Variants in BRI3BP observed in about 807,000 individuals in gnomAD.
The protein encoded by BRI3BP is BRI3-binding protein.
A neutral mutation model predicts 15.8 loss-of-function variants in BRI3BP; 7 were observed. That is an observed-to-expected ratio of 0.44 (90% CI 0.25 to 0.83). The LOEUF (loss-of-function observed/expected upper bound fraction) is 0.83. Among genes scored for constraint, BRI3BP ranks in the 40% least tolerant of loss-of-function variants. BRI3BP has a pLI of 0.20. For missense variants in BRI3BP, 320 were observed against 339.3 expected (o/e 0.94, Z 0.45); for synonymous variants, 192 against 163.5 (o/e 1.17, Z -1.33).
chr12:124,995,254 G>A (rs1422916414), intron 1 of BRI3BP, among the ~76,000 whole-genome samples: 2 of 152,198 alleles, frequency 1.3e-5, no homozygotes, highest in Non-Finnish European at 2.9e-5. Flanking sequence ...GGCCAAAGAG[G>A]GGCAAGGAAG....
At chr12:125,039,577 C>T in the BRI3BP span, among the ~76,000 whole-genome samples, 1 of 152,082 alleles carries the variant, frequency 6.6e-6, no homozygotes, top group African/African-American at 2.4e-5. Context: ...AAATTGCTCC[C>T]CTGTTTTTAG....
the BRI3BP span, among the ~76,000 whole-genome samples, chr12:125,043,761 C>G: frequency 1.3e-5 from 2 of 152,102 alleles, no homozygotes; most frequent in African/African-American, 4.8e-5. Flanking sequence ...GAGGCTGAGG[C>G]AGGAGAATTG....
chr12:125,048,017 A>T, the BRI3BP span, among the ~76,000 whole-genome samples: 1 of 13,298 alleles, frequency 7.5e-5, no homozygotes, highest in Non-Finnish European at 2.6e-4. Flanking sequence ...CTTATAGTTA[A>T]AAAAAAAAAA....
chr12:125,009,079 G>T (rs1007131363), intron 1 of BRI3BP, among the ~76,000 whole-genome samples: 7 of 147,894 alleles, frequency 4.7e-5, no homozygotes, highest in African/African-American at 1.5e-4. Flanking sequence ...AGGTTCAAGC[G>T]ATTCTCCTGC....
In BRI3BP at chr12:124,993,780, G is replaced by C; in HGVS notation, c.-11G>C. ...ACCCCGCATCGCGACCCCGCGCCCC[G>C]CCGGCCGAGCATGGGCGCGCGCGCC... is the stretch of plus-strand genomic sequence containing the variant. On this transcript the variant is annotated 5_prime_UTR_variant, in exon 1 of 3. Transcript: ENST00000341446. 11 of 1,016,512 alleles carry C rather than the reference G, an allele frequency of 1.1e-5. No homozygotes were observed. Among genetic ancestry groups the C allele is most frequent in the Non-Finnish European group, 1.3e-5 (11 of 853,420 alleles). 63.0% of individuals were successfully genotyped at this position (1,016,512 alleles called of 1,614,324 possible).
intron 1 of BRI3BP, among the ~76,000 whole-genome samples, chr12:124,996,777 G>C (rs1292596282): frequency 8.8e-6 from 1 of 113,632 alleles, no homozygotes; most frequent in East Asian, 3.0e-4. Context: ...TTTTTTTTCC[G>C]AGATGGAGTA....
intron 2 of BRI3BP, among the ~76,000 whole-genome samples, chr12:125,020,611 C>T (rs1206759380): frequency 6.6e-6 from 1 of 152,184 alleles, no homozygotes; most frequent in Non-Finnish European, 1.5e-5. Context: ...AATGGCTGGA[C>T]ACAGTGGCTC....
the BRI3BP span, among the ~76,000 whole-genome samples, chr12:125,042,657 C>T: frequency 6.6e-6 from 1 of 152,020 alleles, no homozygotes; most frequent in Non-Finnish European, 1.5e-5. Context: ...GCCTCAGCCT[C>T]CCGAGTAGCT....
At position 125,025,881 on chromosome 12, in the gene BRI3BP, A is replaced by G. The variant is rs67037258; in HGVS notation, c.*451A>G. 16,835 of 155,152 alleles carry G rather than the reference A, an allele frequency of 0.11. 1,926 individuals carry two copies. The highest frequency in any genetic ancestry group is 0.29 in the African/African-American group (12,033 of 41,510). The allele number at this position is 155,152 out of a possible 1,614,324, so 9.6% of individuals were successfully genotyped here. ...AGTTTAAATGCGAGCGTTTGTTTTC[A>G]CAGCTTAGGGATTGGTGGGTGAGGT... On this transcript the variant is annotated 3_prime_UTR_variant, in exon 3 of 3. Coordinates refer to ENST00000341446, the MANE Select transcript of BRI3BP (RefSeq NM_080626.6).
At chr12:125,021,117 C>T (rs924955120) in intron 2 of BRI3BP, among the ~76,000 whole-genome samples, 2 of 152,142 alleles carry the variant, frequency 1.3e-5, no homozygotes, top group African/African-American at 4.8e-5. Flanking sequence ...CCCAAGTCAA[C>T]CACATTTAGT....
chr12:124,996,535 G>A (rs552178374), intron 1 of BRI3BP, among the ~76,000 whole-genome samples: 1 of 152,170 alleles, frequency 6.6e-6, no homozygotes, highest in Admixed American at 6.5e-5. Flanking sequence ...ATGTTGGCCA[G>A]GCTGGTCTCA....
chr12:124,997,768 C>T (rs560777707), intron 1 of BRI3BP, among the ~76,000 whole-genome samples: 1 of 152,116 alleles, frequency 6.6e-6, no homozygotes, highest in East Asian at 1.9e-4. Flanking sequence ...GTGGGCAGCT[C>T]ATCTGAAGTC....
the BRI3BP span, among the ~76,000 whole-genome samples, chr12:125,047,053 T>C: frequency 6.6e-6 from 1 of 152,210 alleles, no homozygotes; most frequent in Non-Finnish European, 1.5e-5. Flanking sequence ...GTGTATATGT[T>C]CTAACATTGT....
intron 2 of BRI3BP, among the ~76,000 whole-genome samples, chr12:125,015,758 A>G (rs1955237038): frequency 6.6e-6 from 1 of 152,222 alleles, no homozygotes; most frequent in African/African-American, 2.4e-5. Context: ...AGGCCAACTC[A>G]GTCACCTCAC....
intron 1 of BRI3BP, among the ~76,000 whole-genome samples, chr12:125,003,363 G>T (rs1246464729): frequency 6.6e-6 from 1 of 152,146 alleles, no homozygotes; most frequent in East Asian, 1.9e-4. Flanking sequence ...TGGAGGCGAT[G>T]GCTGGGCCTT....
At chr12:125,017,800 C>T (rs1297429355) in intron 2 of BRI3BP, among the ~76,000 whole-genome samples, 2 of 152,130 alleles carry the variant, frequency 1.3e-5, no homozygotes, top group East Asian at 1.9e-4. Flanking sequence ...TTCCAGTAAA[C>T]TGGGGAAAAT....
chr12:125,025,043 C>T lies in BRI3BP; in HGVS notation c.369C>T (p.Ala123=). The T allele has an allele frequency of 6.2e-7, 1 of 1,613,456 alleles. No homozygotes were observed. The highest frequency in any genetic ancestry group is 1.7e-5 in the Admixed American group (1 of 60,004). Residue 123 remains alanine (A), a synonymous_variant, in exon 3 of 3, where the codon GCC becomes GCT. Transcript: ENST00000341446. The part of the protein sequence containing the change: ...FSPASVSSSP[A]RALLLVGVVL... ...CAGCCTCGGTGTCCAGCAGCCCGGC[C>T]CGCGCGCTCCTGCTGGTCGGCGTCG...
chr12:125,020,056 G>T (rs1290353071), intron 2 of BRI3BP, among the ~76,000 whole-genome samples: 2 of 145,424 alleles, frequency 1.4e-5, no homozygotes, highest in Non-Finnish European at 3.0e-5. Context: ...TGATTCTCCT[G>T]CCTCAGCCTC....
chr12:125,045,568 G>A, the BRI3BP span, among the ~76,000 whole-genome samples: 14 of 152,074 alleles, frequency 9.2e-5, no homozygotes, highest in African/African-American at 2.9e-4. Context: ...TCCTGACCTC[G>A]CGATCTGCCC....
Sources: gnomAD v4.1 joint callset for allele counts (sites outside exome capture counted in the v4.1 genomes callset) on GRCh38, gnomAD v4.1.1 for gene constraint, MANE v1.5 for transcripts, NCBI Gene and HGNC (gene_info 2026-07-23, HGNC 2026-07-21) for gene names.